The following POLA2 variants were observed in gnomAD, a reference collection of about 807,000 sequenced individuals.
The protein encoded by POLA2 is DNA polymerase alpha subunit B.
A neutral mutation model predicts 82.8 loss-of-function variants in POLA2; 47 were observed. The observed-to-expected ratio is 0.57, with a 90% CI of 0.45 to 0.72. The LOEUF is 0.72. POLA2 is among the 30% of genes least tolerant of loss of function. The pLI, the probability that POLA2 is intolerant of heterozygous loss-of-function variation, is 0.00. For synonymous variants in POLA2, 287 were observed against 286.8 expected, an observed-to-expected ratio of 1.00 and a Z score of -0.01; for missense variants, 634 against 728.1, an observed-to-expected ratio of 0.87 and a Z score of 1.49.
intron 13 of POLA2, among the ~76,000 whole-genome samples, chr11:65,291,967 C>T (rs924960194): frequency 6.6e-6 from 1 of 152,202 alleles, no homozygotes; most frequent in Non-Finnish European, 1.5e-5. Context: ...AGGCTAAGCA[C>T]GGGGCTCACG....
rs750018486 is a variant in POLA2 at position 65,294,218 on chromosome 11, A to G, written c.1310A>G (p.Gln437Arg). ...RDVHHEPVYP[Q>R]PPFSYSDLSR... The stretch of plus-strand genomic sequence containing the variant: ...GTGCACCATGAGCCTGTGTACCCCC[A>G]GCCGCCTTTCAGCTACTCCGATCTG... The change falls in exon 14 of 18, where the codon CAG becomes CGG. Residue 437 changes from glutamine to arginine, a missense_variant. By Grantham distance (43) the Gln-to-Arg change is conservative (BLOSUM62 1). Transcript: ENST00000265465. 5 of 1,613,938 alleles carry G rather than the reference A, an allele frequency of 3.1e-6. No individual in the cohort carries two copies. In the East Asian group the frequency reaches 1.1e-4, roughly 36 times the overall value.
chr11:65,304,366 CCCATGAACTTAACCATCCATCTTTTCAT>C (rs1949875082), intron 8 of POLA2, among the ~76,000 whole-genome samples: 1 of 151,014 alleles, frequency 6.6e-6, no homozygotes, highest in Non-Finnish European at 1.5e-5. Flanking sequence ...CATCCACCCA[CCCATGAACTTAACCATCCATCTTTTCAT>C]CCATCCATCA....
chr11:65,297,365 G>C lies in POLA2; in HGVS notation c.*96G>C. On this transcript the variant is annotated 3_prime_UTR_variant, in exon 18 of 18. Coordinates refer to ENST00000265465, the MANE Select transcript of POLA2 (RefSeq NM_002689.4). Reference sequence around the variant, plus strand: ...TGTGACAAGGTGAACAGTTGGGTGGGAAAGGAGAGAGGAGCCAGCCAGGGA... The same window carrying C: ...TGTGACAAGGTGAACAGTTGGGTGGCAAAGGAGAGAGGAGCCAGCCAGGGA... 7.1e-7 allele frequency: 1 copy of C among 1,406,158 alleles called. No individual in the cohort carries two copies. The allele number at this position is 1,406,158 out of a possible 1,614,324, so 87.1% of individuals were successfully genotyped here.
Position 65,269,765 on chromosome 11 carries a change from A to C in POLA2, c.354+1036A>C, listed in dbSNP as rs570025582. 2.6e-5 allele frequency among the ~76,000 whole-genome samples: 4 copies of C among 152,362 alleles called. No homozygotes were observed. The South Asian group carries it at 8.3e-4, about 32-fold the overall frequency. The stretch of plus-strand genomic sequence containing the variant: ...GCCTTAATTATTCAAAGTAAACTAC[A>C]TCATAAGAAAGAGGTAATTTACATT... On this transcript the variant is annotated intron_variant, in intron 4 of 17. Coordinates refer to ENST00000265465, the MANE Select transcript of POLA2 (RefSeq NM_002689.4).
downstream of POLA2, among the ~76,000 whole-genome samples, chr11:65,303,109 G>A (rs1326051896): frequency 2.0e-5 from 3 of 152,206 alleles, no homozygotes. Context: ...TTGGGAGGCC[G>A]AGGCGGGTGG....
Position 65,275,894 on chromosome 11 carries a change from T to C in POLA2, c.357T>C (p.Gly119=). ...LLNSYTTPSK[G]SQKRAISTPE... is the part of the protein sequence containing the mutation. ...TTGTTTTCCTTTTTTTTCCCTAGGG[T>C]TCTCAGAAGCGAGCTATCTCTACCC... The change falls in exon 5 of 18, where the codon GGT becomes GGC. Residue 119 remains glycine, a splice_region_variant and synonymous_variant. Coordinates refer to ENST00000265465, the MANE Select transcript of POLA2 (RefSeq NM_002689.4). 1 of 1,594,954 alleles carries C rather than the reference T, an allele frequency of 6.3e-7. No individual in the cohort carries two copies. The highest frequency in any genetic ancestry group is 8.6e-7 in the Non-Finnish European group (1 of 1,165,560).
chr11:65,294,069 G>A, intron 13 of POLA2, 84 bp from the exon 14 acceptor site: 1 of 1,177,300 alleles, frequency 8.5e-7, no homozygotes, highest in Non-Finnish European at 1.3e-6. Context: ...CCTCCAGCCT[G>A]AGGCATCCCA....
intron 4 of POLA2, among the ~76,000 whole-genome samples, 200 bp from the exon 5 acceptor site, chr11:65,275,692 T>C (rs1949569651): frequency 6.6e-6 from 1 of 152,212 alleles, no homozygotes; most frequent in East Asian, 1.9e-4. Context: ...ATAGGGACAG[T>C]GTCCTGAATG....
chr11:65,274,432 C>G (rs1433205959), intron 4 of POLA2, among the ~76,000 whole-genome samples: 1 of 151,294 alleles, frequency 6.6e-6, no homozygotes, highest in African/African-American at 2.4e-5. Flanking sequence ...GTAATTCCAG[C>G]ATTTTGGGAG....
At chr11:65,291,290 T>A (rs937290413) in intron 13 of POLA2, among the ~76,000 whole-genome samples, 1 of 152,232 alleles carries the variant, frequency 6.6e-6, no homozygotes, top group African/African-American at 2.4e-5. Flanking sequence ...CTTCCGCCTT[T>A]TAGCCATGAG....
chr11:65,305,080 C>T (rs1949879972), intron 8 of POLA2, among the ~76,000 whole-genome samples: 1 of 148,934 alleles, frequency 6.7e-6, no homozygotes, highest in Non-Finnish European at 1.5e-5. Flanking sequence ...ATCACCTAAT[C>T]TCAGCCTTTC....
intron 3 of POLA2, among the ~76,000 whole-genome samples, chr11:65,268,360 T>A (rs11227166): frequency 0.044 from 6,621 of 151,034 alleles, 151 homozygotes; most frequent in Middle Eastern, 0.095. Context: ...TATTATTATT[T>A]TTTTTTTTTG....
At chr11:65,296,731 G>A (rs1014565242) in intron 17 of POLA2, among the ~76,000 whole-genome samples, 2 of 152,104 alleles carry the variant, frequency 1.3e-5, no homozygotes, top group South Asian at 4.1e-4. Flanking sequence ...TGGATCACCT[G>A]AGGTCAGGAG....
At chr11:65,294,896 G>A in intron 15 of POLA2, 1 of 374,572 alleles carries the variant, frequency 2.7e-6, no homozygotes, top group Non-Finnish European at 4.8e-6. Flanking sequence ...CGTCCATTCT[G>A]TCTTTGCACT....
intron 6 of POLA2, among the ~76,000 whole-genome samples, chr11:65,279,182 A>G (rs1458840483): frequency 6.6e-6 from 1 of 152,216 alleles, no homozygotes; most frequent in Non-Finnish European, 1.5e-5. Context: ...AAGGAATTCA[A>G]CTTAAAGATA....
intron 10 of POLA2, among the ~76,000 whole-genome samples, chr11:65,285,585 A>G (rs1374665367): frequency 2.0e-5 from 3 of 151,740 alleles, no homozygotes; most frequent in African/African-American, 4.8e-5. Context: ...AAAAAAAAAA[A>G]AAAAAGAAAA....
intron 4 of POLA2, among the ~76,000 whole-genome samples, chr11:65,270,967 C>A (rs1949515161): frequency 6.6e-6 from 1 of 152,186 alleles, no homozygotes; most frequent in South Asian, 2.1e-4. Flanking sequence ...TCCTCTTTCC[C>A]TGCTCCCCTT....
In POLA2 at chr11:65,266,623, AT is replaced by A; in HGVS notation, c.122del (p.Met41ArgfsTer2). On this transcript the variant is annotated frameshift_variant, in exon 2 of 18. Transcript: ENST00000265465. LOFTEE classifies it high-confidence loss of function. ...CVQYGQNEEG[M>X]VGELIAFCTS... ...TCAGTATGGACAGAATGAGGAGGGA[AT>A]GGTAGGCGAGCTTATAGCCTTCTGC... 1 of 1,614,054 alleles carries A rather than the reference AT, an allele frequency of 6.2e-7. No homozygotes were observed. Among genetic ancestry groups the A allele is most frequent in the Non-Finnish European group, 8.5e-7 (1 of 1,179,872 alleles).
Position 65,281,069 on chromosome 11 carries a change from A to C in POLA2, c.822A>C (p.Gly274=), listed in dbSNP as rs760606723. 11 of 1,614,038 alleles carry C rather than the reference A, an allele frequency of 6.8e-6. No homozygotes were observed. The highest frequency in any genetic ancestry group is 9.3e-6 in the Non-Finnish European group (11 of 1,180,020). Reference sequence around the variant, plus strand: ...ACAACAAGTCAGTGATTCTCGAGGGAGACCGGGAACATTCCTCGGGTGCTC... The same window carrying C: ...ACAACAAGTCAGTGATTCTCGAGGGCGACCGGGAACATTCCTCGGGTGCTC... ...KLNNKSVILE[G]DREHSSGAQI... The change falls in exon 8 of 18, where the codon GGA becomes GGC. Residue 274 remains glycine, a synonymous_variant. Transcript: ENST00000265465.
Sources: gnomAD v4.1 joint callset for allele counts (sites outside exome capture counted in the v4.1 genomes callset) on GRCh38, gnomAD v4.1.1 for gene constraint, MANE v1.5 for transcripts, NCBI Gene and HGNC (gene_info 2026-07-23, HGNC 2026-07-21) for gene names.